The following ANO4 variants were observed in gnomAD, a reference collection of about 807,000 sequenced individuals.
ANO4 encodes the protein anoctamin 4, also known as anoctamin-4.
A neutral mutation model predicts 141.9 loss-of-function variants in ANO4; 69 were observed. That is an observed-to-expected ratio of 0.49 (90% CI 0.40 to 0.59). The LOEUF (loss-of-function observed/expected upper bound fraction) is 0.59, where lower values mean the gene tolerates loss of function less well. Among genes scored for constraint, ANO4 ranks in the 20% least tolerant of loss-of-function variants. The probability of loss-of-function intolerance (pLI) is 0.00; values close to 1 mark genes in which losing one functional copy is unlikely to be tolerated. For synonymous variants in ANO4, 350 were observed against 394.3 expected (o/e 0.89, Z 1.33); for missense variants, 894 against 1,162.2 (o/e 0.77, Z 3.36).
intron 2 of ANO4, among the ~76,000 whole-genome samples, chr12:100,909,890 G>A (rs4764767): frequency 0.17 from 26,440 of 151,968 alleles, 2,760 homozygotes; most frequent in Middle Eastern, 0.34. Context: ...TATAGTATTA[G>A]GGCTGCCAAA....
At chr12:100,845,649 A>G (rs551258127) in intron 1 of ANO4, among the ~76,000 whole-genome samples, 19 of 152,334 alleles carry the variant, frequency 1.2e-4, no homozygotes, top group Admixed American at 5.2e-4. Context: ...ATATAAATAT[A>G]TTGTCTACAT....
intron 1 of ANO4, chr12:100,852,354 TTC>T (rs1435264128): frequency 6.6e-6 from 1 of 152,214 alleles, no homozygotes; most frequent in Non-Finnish European, 1.5e-5. Context: ...GGCTTTATTT[TTC>T]TCTCATCACA....
At chr12:101,063,385 T>C (rs1301905506) in intron 14 of ANO4, among the ~76,000 whole-genome samples, 2 of 152,230 alleles carry the variant, frequency 1.3e-5, no homozygotes, top group African/African-American at 2.4e-5. Flanking sequence ...ATTGATTCAT[T>C]ATGAAATAAT....
intron 3 of ANO4, among the ~76,000 whole-genome samples, chr12:100,745,147 C>A (rs1193623519): frequency 6.6e-6 from 1 of 152,168 alleles, no homozygotes. Flanking sequence ...CATGTCTCAC[C>A]GCTCTGTACA....
chr12:100,788,429 G>A (rs1022143353), intron 3 of ANO4, among the ~76,000 whole-genome samples: 1 of 152,190 alleles, frequency 6.6e-6, no homozygotes, highest in Admixed American at 6.5e-5. Flanking sequence ...TCCTGTTTCT[G>A]TAGGGTGCAA....
chr12:100,718,586 C>T (rs1288723087), intron 1 of ANO4, among the ~76,000 whole-genome samples: 2 of 152,146 alleles, frequency 1.3e-5, no homozygotes, highest in Non-Finnish European at 2.9e-5. Flanking sequence ...CAGGGTCAGT[C>T]TCTTTCTCTG....
intron 3 of ANO4, among the ~76,000 whole-genome samples, chr12:100,746,862 G>C (rs2032136395): frequency 6.6e-6 from 1 of 152,176 alleles, no homozygotes; most frequent in Non-Finnish European, 1.5e-5. Flanking sequence ...AGTATGATTA[G>C]CACCTTTGAT....
intron 3 of ANO4, among the ~76,000 whole-genome samples, chr12:100,788,532 C>G (rs1391593245): frequency 6.6e-6 from 1 of 152,128 alleles, no homozygotes; most frequent in Admixed American, 6.5e-5. Flanking sequence ...TCTATATAAA[C>G]TTGAACGTTG....
At chr12:100,717,521 C>G (rs1389363003), upstream of ANO4, 4 of 398,984 alleles carry the variant, frequency 1.0e-5, no homozygotes, top group Non-Finnish European at 8.9e-6. Context: ...AGGACGCGGG[C>G]CAGGATGGCC....
chr12:100,969,036 C>T (rs2043804484), intron 5 of ANO4, among the ~76,000 whole-genome samples: 1 of 152,166 alleles, frequency 6.6e-6, no homozygotes, highest in Admixed American at 6.5e-5. Context: ...ACTGGTTTGT[C>T]CACTCCCTGG....
At chr12:100,903,715 C>G (rs1379158510) in intron 2 of ANO4, among the ~76,000 whole-genome samples, 1 of 152,186 alleles carries the variant, frequency 6.6e-6, no homozygotes, top group African/African-American at 2.4e-5. Context: ...TTGGGCACAG[C>G]TCTTAAAAGC....
At chr12:100,809,964 T>G (rs2035296055) in intron 1 of ANO4, among the ~76,000 whole-genome samples, 1 of 152,162 alleles carries the variant, frequency 6.6e-6, no homozygotes, top group Non-Finnish European at 1.5e-5. Flanking sequence ...TAGAATCACC[T>G]GTATGCTAGG....
At chr12:100,855,798 C>T (rs1031020748) in intron 1 of ANO4, among the ~76,000 whole-genome samples, 3 of 152,114 alleles carry the variant, frequency 2.0e-5, no homozygotes, top group Non-Finnish European at 4.4e-5. Flanking sequence ...TTAATACCTA[C>T]TGTGTGGGAA....
At chr12:100,802,660 C>T (rs891855093) in intron 1 of ANO4, among the ~76,000 whole-genome samples, 2 of 152,142 alleles carry the variant, frequency 1.3e-5, no homozygotes, top group South Asian at 2.1e-4. Flanking sequence ...AGTACTTAAT[C>T]GAGCACGTAC....
intron 1 of ANO4, among the ~76,000 whole-genome samples, chr12:100,722,002 A>C (rs2030891645): frequency 6.6e-6 from 1 of 151,976 alleles, no homozygotes; most frequent in African/African-American, 2.4e-5. Flanking sequence ...TGAGCAAATT[A>C]ATTCACCTTC....
intron 1 of ANO4, among the ~76,000 whole-genome samples, chr12:100,816,185 AT>A (rs1202429127): frequency 6.6e-6 from 1 of 152,120 alleles, no homozygotes; most frequent in East Asian, 1.9e-4. Context: ...GTGAACTCGT[AT>A]GGTACAATCT....
At chr12:100,768,092 C>T (rs2033160162) in intron 3 of ANO4, among the ~76,000 whole-genome samples, 1 of 152,028 alleles carries the variant, frequency 6.6e-6, no homozygotes, top group Non-Finnish European at 1.5e-5. Flanking sequence ...AGGGAGTTGG[C>T]CTGAAGCCTA....
At chr12:100,984,841 T>G (rs1257595489) in intron 7 of ANO4, among the ~76,000 whole-genome samples, 2 of 152,228 alleles carry the variant, frequency 1.3e-5, no homozygotes, top group African/African-American at 4.8e-5. Flanking sequence ...TCTCCACATT[T>G]CAATTAAATT....
chr12:101,052,534 T>G (rs1458876344), intron 14 of ANO4, among the ~76,000 whole-genome samples: 1 of 152,176 alleles, frequency 6.6e-6, no homozygotes, highest in Admixed American at 6.5e-5. Flanking sequence ...TGCCAAAAGT[T>G]AAGTTATCCC....
Sources: allele counts gnomAD v4.1 joint callset (sites outside exome capture counted in the v4.1 genomes callset), GRCh38; gene constraint gnomAD v4.1.1; transcripts MANE v1.5; gene names NCBI Gene and HGNC (gene_info 2026-07-23, HGNC 2026-07-21).